VPS26C: variants seen among roughly 807,000 people sequenced by gnomAD.
VPS26C encodes the protein VPS26 endosomal protein sorting factor C.
VPS26C carries 19 observed loss-of-function variants against 30.6 expected under a neutral mutation model. The ratio of observed to expected loss-of-function variants is 0.62; its 90% CI spans 0.43 to 0.91. The LOEUF is 0.91. Among genes scored for constraint, VPS26C ranks in the 40% least tolerant of loss-of-function variants. The pLI is 0.00. For missense variants in VPS26C, 318 were observed against 385.1 expected (o/e 0.83, Z 1.46); for synonymous variants, 132 against 151.5 (o/e 0.87, Z 0.95).
At chr21:37,245,012 A>C (rs557137666) in intron 1 of VPS26C, among the ~76,000 whole-genome samples, 1 of 152,226 alleles carries the variant, frequency 6.6e-6, no homozygotes, top group South Asian at 2.1e-4. Context: ...GGGCTCATGC[A>C]AAGTCAAGAT....
intron 1 of VPS26C, among the ~76,000 whole-genome samples, chr21:37,266,420 G>A (rs1457455850): frequency 6.6e-6 from 1 of 152,150 alleles, no homozygotes; most frequent in Non-Finnish European, 1.5e-5. Context: ...TGTTGGGGCT[G>A]TGATTTCAAC....
rs551264931 is a variant in VPS26C at position 37,228,137 on chromosome 21, C to T, written c.658+86G>A. On this transcript the variant is annotated intron_variant, in intron 6 of 7. Transcript: ENST00000309117. ...TACAGGGGTGCGCCACTGTGCCCAGCCCCCCAGCATCCTCTTAACCATGGA... is the reference window on the plus strand; with the variant it reads ...TACAGGGGTGCGCCACTGTGCCCAGTCCCCCAGCATCCTCTTAACCATGGA... The T allele has an allele frequency of 3.1e-5, 47 of 1,530,700 alleles. No homozygotes were observed. In the South Asian group the frequency reaches 4.7e-4, roughly 15 times the overall value. The allele number at this position is 1,530,700 out of a possible 1,614,324, so 94.8% of individuals were successfully genotyped here.
chr21:37,255,851 A>ATTTTTTTTTTTTT lies in VPS26C; in HGVS notation c.57+11374_57+11386dup, dbSNP rs375877407. On this transcript the variant is annotated intron_variant, in intron 1 of 7. Coordinates refer to ENST00000309117, the MANE Select transcript of VPS26C (RefSeq NM_006052.2). ...TTTAAAGCCTCATTCTATGCACTGC[A>ATTTTTTTTTTTTT]TTTTTTTTTTTTTTTTTTTTTAGAT... is the stretch of plus-strand genomic sequence containing the variant. Among the ~76,000 whole-genome samples, 81 of 108,446 alleles carry ATTTTTTTTTTTTT rather than the reference A, an allele frequency of 7.5e-4. 7 individuals are homozygous for ATTTTTTTTTTTTT. The highest frequency in any genetic ancestry group is 2.6e-3 in the African/African-American group (57 of 21,882). 71.1% of individuals were successfully genotyped at this position (108,446 alleles called of 152,430 possible). A position where few individuals can be genotyped will look rare whatever the true frequency, so the allele number is the denominator to read the frequency against.
chr21:37,254,637 C>T (rs979901740), intron 1 of VPS26C, among the ~76,000 whole-genome samples: 2 of 151,952 alleles, frequency 1.3e-5, no homozygotes, highest in Non-Finnish European at 2.9e-5. Context: ...ATGATGAAAC[C>T]CCATCTCTAC....
chr21:37,235,020 T>A (rs2086005529), intron 3 of VPS26C, among the ~76,000 whole-genome samples: 1 of 151,762 alleles, frequency 6.6e-6, no homozygotes, highest in African/African-American at 2.4e-5. Context: ...ATTTTTTTTT[T>A]TTTGAGATGG....
chr21:37,243,945 T>G (rs143086581), intron 1 of VPS26C, among the ~76,000 whole-genome samples: 2 of 152,340 alleles, frequency 1.3e-5, no homozygotes, highest in African/African-American at 4.8e-5. Flanking sequence ...TCTCTTTGGC[T>G]CGAGTCAGCT....
intron 6 of VPS26C, 102 bp downstream of exon 6, chr21:37,228,121 G>T: frequency 6.8e-7 from 1 of 1,477,814 alleles, no homozygotes; most frequent in Non-Finnish European, 9.1e-7. Flanking sequence ...TTACAGGGGT[G>T]CGCCACTGTG....
intron 1 of VPS26C, among the ~76,000 whole-genome samples, chr21:37,259,132 A>G (rs1350457323): frequency 1.3e-5 from 2 of 152,192 alleles, no homozygotes; most frequent in Admixed American, 1.3e-4. Flanking sequence ...CTAAGTCCTT[A>G]CAACAAGCAT....
chr21:37,251,801 A>G (rs1050183252), intron 1 of VPS26C, among the ~76,000 whole-genome samples: 2 of 152,198 alleles, frequency 1.3e-5, no homozygotes, highest in African/African-American at 4.8e-5. Flanking sequence ...TTGATAACCT[A>G]TAGGCCTAAT....
At chr21:37,230,235 C>G (rs1274921491) in intron 5 of VPS26C, among the ~76,000 whole-genome samples, 1 of 152,216 alleles carries the variant, frequency 6.6e-6, no homozygotes, top group Non-Finnish European at 1.5e-5. Context: ...TAGCAGTACA[C>G]ATTAAAATTC....
Position 37,257,227 on chromosome 21 carries a change from C to A in VPS26C, c.57+10011G>T, listed in dbSNP as rs1202820459. On this transcript the variant is annotated intron_variant, in intron 1 of 7. Transcript: ENST00000309117. The surrounding 1 kb of genome is among the most constrained non-coding windows in gnomAD (Gnocchi z 4.2). ...AAAATGAGGTCTGTAAACAACTGAT[C>A]TAGAAAATGTTCTGGAAAAAGTAAA... Among the ~76,000 whole-genome samples the A allele has an allele frequency of 6.6e-6, 1 of 152,208 alleles. No homozygotes were observed.
chr21:37,251,651 G>C (rs2148301323), intron 1 of VPS26C, among the ~76,000 whole-genome samples: 1 of 152,260 alleles, frequency 6.6e-6, no homozygotes, highest in East Asian at 1.9e-4. Context: ...GTGAGGCAGG[G>C]GGTATCGATC....
chr21:37,248,153 G>C (rs191503317), intron 1 of VPS26C, among the ~76,000 whole-genome samples: 34 of 152,230 alleles, frequency 2.2e-4, no homozygotes, highest in African/African-American at 7.0e-4. Context: ...ATGACCAATA[G>C]AGTAGACAGA....
chr21:37,237,255 A>G (rs2086035102), intron 3 of VPS26C: 1 of 152,222 alleles, frequency 6.6e-6, no homozygotes, highest in Non-Finnish European at 1.5e-5. Context: ...TCTAATGAAC[A>G]TATTCTTGTA....
intron 1 of VPS26C, among the ~76,000 whole-genome samples, chr21:37,259,944 C>T (rs910631465): frequency 2.0e-5 from 3 of 152,130 alleles, no homozygotes; most frequent in Admixed American, 6.5e-5. Context: ...TTACTGCGGC[C>T]CCCACGAGGT....
chr21:37,255,028 G>A (rs1476765217), intron 1 of VPS26C, among the ~76,000 whole-genome samples: 2 of 152,168 alleles, frequency 1.3e-5, no homozygotes, highest in Non-Finnish European at 2.9e-5. Flanking sequence ...CAGCAGAGGA[G>A]AAGGGGCAGA....
At chr21:37,252,269 T>C (rs753502673) in intron 1 of VPS26C, among the ~76,000 whole-genome samples, 2 of 152,200 alleles carry the variant, frequency 1.3e-5, no homozygotes, top group African/African-American at 4.8e-5. Context: ...GAGAGACCCA[T>C]TTTGATTAGA....
Position 37,227,917 on chromosome 21 carries a change from C to G in VPS26C, c.659-111G>C, listed in dbSNP as rs1448641103. The G allele has an allele frequency of 5.7e-6, 8 of 1,407,976 alleles. No homozygotes were observed. In the African/African-American group the frequency reaches 1.1e-4, roughly 20 times the overall value. The allele number at this position is 1,407,976 out of a possible 1,614,324, so 87.2% of individuals were successfully genotyped here. A position where few individuals can be genotyped will look rare whatever the true frequency, so the allele number is the denominator to read the frequency against. On this transcript the variant is annotated intron_variant, in intron 6 of 7. Coordinates refer to ENST00000309117, the MANE Select transcript of VPS26C (RefSeq NM_006052.2). Reference sequence around the variant, plus strand: ...TCCAAGAATCCTCCAGGGTCCCCTCCCCTCACTTTCCTTAGACACGCGGCT... The same window carrying G: ...TCCAAGAATCCTCCAGGGTCCCCTCGCCTCACTTTCCTTAGACACGCGGCT...
chr21:37,238,027 C>A (rs1408612084), intron 3 of VPS26C, among the ~76,000 whole-genome samples: 1 of 152,240 alleles, frequency 6.6e-6, no homozygotes, highest in African/African-American at 2.4e-5. Context: ...CACTTCCCCT[C>A]ATTGACAAGG....
Sources: gnomAD v4.1 joint callset for allele counts (sites outside exome capture counted in the v4.1 genomes callset) on GRCh38, gnomAD v4.1.1 for gene constraint, Gnocchi (gnomAD v3.1) non-coding constraint, MANE v1.5 for transcripts, NCBI Gene and HGNC (gene_info 2026-07-23, HGNC 2026-07-21) for gene names.